SGCZ: variants seen among roughly 807,000 people sequenced by gnomAD.
SGCZ encodes sarcoglycan zeta.
Under a neutral mutation model 41.3 loss-of-function variants are expected in SGCZ, and 40 were observed. The observed-to-expected ratio is 0.97, with a 90% CI of 0.75 to 1.26. The LOEUF (loss-of-function observed/expected upper bound fraction) is 1.26. Ranked by LOEUF, SGCZ falls within the 50% of genes most tolerant of loss-of-function variation. The probability of loss-of-function intolerance (pLI) is 0.00; values close to 1 mark genes in which losing one functional copy is unlikely to be tolerated. For missense variants in SGCZ, 552 were observed against 369.8 expected (o/e 1.49, Z -4.04); for synonymous variants, 206 against 137.5 (o/e 1.50, Z -3.49).
At chr8:15,176,142 C>T (rs1021673006) in intron 1 of SGCZ, among the ~76,000 whole-genome samples, 1 of 152,108 alleles carries the variant, frequency 6.6e-6, no homozygotes. Context: ...GGTGACAGTT[C>T]TTACACACCA....
intron 2 of SGCZ, among the ~76,000 whole-genome samples, chr8:14,392,147 A>G (rs927799999): frequency 2.0e-5 from 3 of 152,156 alleles, no homozygotes; most frequent in African/African-American, 7.2e-5. Flanking sequence ...TAAATCACAA[A>G]AAAAATTATC....
At chr8:14,328,604 T>G (rs938786623) in intron 2 of SGCZ, among the ~76,000 whole-genome samples, 1 of 152,208 alleles carries the variant, frequency 6.6e-6, no homozygotes, top group Non-Finnish European at 1.5e-5. Context: ...ATTTTTAGTT[T>G]TTGTCTTATA....
intron 1 of SGCZ, among the ~76,000 whole-genome samples, chr8:14,903,287 G>A (rs1799026248): frequency 6.6e-6 from 1 of 151,772 alleles, no homozygotes; most frequent in South Asian, 2.1e-4. Flanking sequence ...TTATTTCTGA[G>A]ACTTGCTCTC....
intron 1 of SGCZ, among the ~76,000 whole-genome samples, chr8:14,840,777 C>A (rs1245853928): frequency 2.0e-5 from 3 of 152,090 alleles, no homozygotes; most frequent in Admixed American, 2.0e-4. Context: ...TTTGATTAGA[C>A]AGCATCTACT....
chr8:14,825,335 C>A (rs1185431344), intron 1 of SGCZ, among the ~76,000 whole-genome samples: 4 of 152,186 alleles, frequency 2.6e-5, no homozygotes, highest in African/African-American at 7.2e-5. Context: ...CACTCTAGAA[C>A]CTAATAGAAT....
intron 3 of SGCZ, among the ~76,000 whole-genome samples, chr8:14,303,898 C>A (rs942196167): frequency 6.6e-6 from 1 of 151,928 alleles, no homozygotes; most frequent in African/African-American, 2.4e-5. Flanking sequence ...ATTATAGGCA[C>A]CCGCCACCAA....
chr8:14,110,825 G>C (rs1259920921), intron 5 of SGCZ, among the ~76,000 whole-genome samples: 1 of 152,076 alleles, frequency 6.6e-6, no homozygotes, highest in African/African-American at 2.4e-5. Flanking sequence ...GGACGAAGCA[G>C]GCAGATCACT....
rs547018958 is a variant in SGCZ, at chr8:15,142,633, C to T, written c.39+94952G>A. ...GTAACAATGATGACTTCCCATACTACGAAATCACCAGGAAAATAAATGCTT... is the reference window on the plus strand; with the variant it reads ...GTAACAATGATGACTTCCCATACTATGAAATCACCAGGAAAATAAATGCTT... On this transcript the variant is annotated intron_variant, in intron 1 of 7. Coordinates refer to ENST00000382080, the MANE Select transcript of SGCZ (RefSeq NM_139167.4). Among the ~76,000 whole-genome samples, 10 of 152,086 alleles carry T rather than the reference C, an allele frequency of 6.6e-5. 1 individual carries two copies. In the South Asian group the frequency reaches 8.3e-4, roughly 13 times the overall value.
intron 1 of SGCZ, among the ~76,000 whole-genome samples, chr8:14,608,797 G>T (rs1316033265): frequency 2.6e-5 from 4 of 151,740 alleles, no homozygotes; most frequent in Non-Finnish European, 5.9e-5. Flanking sequence ...GATTTGGAGG[G>T]GACAAATATT....
At chr8:15,135,567 A>G (rs1316493894) in intron 1 of SGCZ, among the ~76,000 whole-genome samples, 5 of 152,214 alleles carry the variant, frequency 3.3e-5, no homozygotes, top group African/African-American at 9.6e-5. Context: ...ATTTTGAGCA[A>G]GAACGTTTTT....
At chr8:14,508,767 C>A (rs1172908736) in intron 2 of SGCZ, among the ~76,000 whole-genome samples, 1 of 152,044 alleles carries the variant, frequency 6.6e-6, no homozygotes, top group African/African-American at 2.4e-5. Flanking sequence ...TAGGCTTTAC[C>A]GTTTCACATG....
At chr8:14,680,974 A>AAAAAAAC (rs1554479482) in intron 1 of SGCZ, among the ~76,000 whole-genome samples, 23 of 151,014 alleles carry the variant, frequency 1.5e-4, no homozygotes, top group Admixed American at 4.0e-4. Context: ...GAAAAAAAAA[A>AAAAAAAC]AAAAAAACAG....
intron 1 of SGCZ, among the ~76,000 whole-genome samples, chr8:15,136,581 A>G (rs75584192): frequency 0.033 from 5,011 of 152,158 alleles, 120 homozygotes; most frequent in Non-Finnish European, 0.053. Flanking sequence ...TAACTGAATC[A>G]TGGGGGTGGT....
intron 1 of SGCZ, among the ~76,000 whole-genome samples, chr8:14,965,961 T>C (rs950715333): frequency 6.6e-6 from 1 of 152,076 alleles, no homozygotes; most frequent in African/African-American, 2.4e-5. Context: ...TGTTTAGATT[T>C]AAAAACCTAC....
chr8:14,207,233 T>C (rs1183054270), intron 4 of SGCZ, among the ~76,000 whole-genome samples: 1 of 152,206 alleles, frequency 6.6e-6, no homozygotes, highest in Non-Finnish European at 1.5e-5. Context: ...AAGCAACTTG[T>C]ATTTAACTAG....
chr8:15,046,069 A>G (rs1804290931), intron 1 of SGCZ, among the ~76,000 whole-genome samples: 1 of 152,096 alleles, frequency 6.6e-6, no homozygotes, highest in Non-Finnish European at 1.5e-5. Flanking sequence ...ATTTACATAC[A>G]TTGAAGAATT....
chr8:14,217,061 G>A (rs969454230), intron 4 of SGCZ, among the ~76,000 whole-genome samples: 3 of 152,154 alleles, frequency 2.0e-5, no homozygotes, highest in Admixed American at 6.5e-5. Context: ...GCCGAGGTGG[G>A]TGGATCACGA....
intron 5 of SGCZ, among the ~76,000 whole-genome samples, chr8:14,144,775 A>G (rs1219626883): frequency 6.6e-6 from 1 of 152,090 alleles, no homozygotes; most frequent in Non-Finnish European, 1.5e-5. Flanking sequence ...ATCCTAGGCC[A>G]TCCAGCATTC....
Position 14,127,632 on chromosome 8 carries a change from T to C in SGCZ, c.548-19397A>G, listed in dbSNP as rs528573363. Among the ~76,000 whole-genome samples the C allele has an allele frequency of 4.6e-5, 7 of 152,048 alleles. No homozygotes were observed. In the South Asian group the frequency reaches 1.2e-3, roughly 27 times the overall value. On this transcript the variant is annotated intron_variant, in intron 5 of 7. Coordinates refer to ENST00000382080, the MANE Select transcript of SGCZ (RefSeq NM_139167.4). ...TACCACACCAGGCTAATTTTTTGTATTTTTTAGTAGAGACATGGTTTCACC... is the reference window on the plus strand; with the variant it reads ...TACCACACCAGGCTAATTTTTTGTACTTTTTAGTAGAGACATGGTTTCACC...
Sources: allele counts gnomAD v4.1 joint callset (sites outside exome capture counted in the v4.1 genomes callset), GRCh38; gene constraint gnomAD v4.1.1; transcripts MANE v1.5; gene names NCBI Gene and HGNC (gene_info 2026-07-23, HGNC 2026-07-21).